Variants in UGGT2 observed in about 807,000 individuals in gnomAD.
UGGT2 encodes the protein UDP-glucose glycoprotein glucosyltransferase 2.
UGGT2 carries 180 observed loss-of-function variants against 192.1 expected under a neutral mutation model. That is an observed-to-expected ratio of 0.94 (90% confidence interval 0.83 to 1.06). The LOEUF (loss-of-function observed/expected upper bound fraction) is 1.06, where lower values mean the gene tolerates loss of function less well. Among genes scored for constraint, UGGT2 ranks in the 50% least tolerant of loss-of-function variants. UGGT2 has a pLI of 0.00. For missense variants in UGGT2, 1,849 were observed against 1,795.7 expected (o/e 1.03, Z -0.54); for synonymous variants, 580 against 591.0 (o/e 0.98, Z 0.27).
At chr13:95,907,202 G>A (rs1157272746) in intron 20 of UGGT2, among the ~76,000 whole-genome samples, 1 of 152,214 alleles carries the variant, frequency 6.6e-6, no homozygotes. Context: ...AGCCTGGCTG[G>A]GGGAGGGGCG....
intron 20 of UGGT2, among the ~76,000 whole-genome samples, chr13:95,914,237 AAAGTAT>A (rs1055323546): frequency 9.9e-5 from 15 of 151,610 alleles, no homozygotes; most frequent in African/African-American, 3.2e-4. Flanking sequence ...CCTAGAACTT[AAAGTAT>A]AATAAAAAAA....
chr13:95,877,411 C>G (rs986605397), intron 28 of UGGT2, 47 bp from the exon 29 acceptor site: 5 of 1,443,266 alleles, frequency 3.5e-6, no homozygotes, highest in Non-Finnish European at 4.8e-6. Flanking sequence ...TGACTAAAAA[C>G]CATCGAATTG....
intron 20 of UGGT2, among the ~76,000 whole-genome samples, chr13:95,907,315 C>T (rs1268322818): frequency 2.0e-5 from 3 of 152,240 alleles, no homozygotes; most frequent in East Asian, 3.9e-4. Flanking sequence ...CTAAACTCCA[C>T]CTGTGTGGGC....
chr13:95,898,048 T>G (rs967861055), intron 22 of UGGT2, among the ~76,000 whole-genome samples: 1 of 152,156 alleles, frequency 6.6e-6, no homozygotes, highest in Non-Finnish European at 1.5e-5. Context: ...CCAAAGTCCC[T>G]GGACAATTCC....
At chr13:95,847,835 T>C (rs1239876077) in intron 36 of UGGT2, among the ~76,000 whole-genome samples, 1 of 152,226 alleles carries the variant, frequency 6.6e-6, no homozygotes, top group Non-Finnish European at 1.5e-5. Flanking sequence ...TTACAATGGC[T>C]AAATTGTATG....
At chr13:96,016,632 G>A (rs191386121) in intron 4 of UGGT2, among the ~76,000 whole-genome samples, 165 of 152,322 alleles carry the variant, frequency 1.1e-3, no homozygotes, top group African/African-American at 3.9e-3. Flanking sequence ...GATTTCAGAG[G>A]ATGTATGGAA....
At chr13:95,931,024 CCTG>C (rs1296210683) in intron 17 of UGGT2, among the ~76,000 whole-genome samples, 2 of 152,156 alleles carry the variant, frequency 1.3e-5, no homozygotes, top group Non-Finnish European at 2.9e-5. Flanking sequence ...GCTTGGGCAG[CCTG>C]CTTTTATTCC....
chr13:95,928,526 C>T (rs895040877), intron 17 of UGGT2, among the ~76,000 whole-genome samples: 47 of 151,620 alleles, frequency 3.1e-4, no homozygotes, highest in Admixed American at 7.2e-4. Flanking sequence ...GGGGTGGTGG[C>T]GGGGCAGAGA....
intron 38 of UGGT2, among the ~76,000 whole-genome samples, chr13:95,818,056 C>T (rs1307819719): frequency 6.6e-6 from 1 of 152,112 alleles, no homozygotes. Flanking sequence ...CCTATTATCC[C>T]AACGTTTTGG....
chr13:95,899,063 A>C (rs1387665758), intron 22 of UGGT2, among the ~76,000 whole-genome samples: 5 of 152,118 alleles, frequency 3.3e-5, no homozygotes, highest in Non-Finnish European at 7.4e-5. Context: ...TGGAATTTGT[A>C]TCCTTATAAT....
chr13:96,009,584 C>T (rs551498577), intron 5 of UGGT2, among the ~76,000 whole-genome samples: 52 of 152,150 alleles, frequency 3.4e-4, no homozygotes, highest in Non-Finnish European at 6.5e-4. Context: ...CTGAGGCAGG[C>T]GGATCACGAG....
intron 12 of UGGT2, among the ~76,000 whole-genome samples, chr13:95,960,449 G>A (rs1311111589): frequency 6.6e-6 from 1 of 151,728 alleles, no homozygotes; most frequent in African/African-American, 2.4e-5. Context: ...ACTAAATCAA[G>A]TAGAATCAAG....
At chr13:95,996,906 C>A (rs1194265262) in intron 6 of UGGT2, among the ~76,000 whole-genome samples, 1 of 152,188 alleles carries the variant, frequency 6.6e-6, no homozygotes, top group Admixed American at 6.5e-5. Flanking sequence ...CATTTCCCTT[C>A]TCCCTTACAT....
At chr13:96,006,619 G>A in intron 5 of UGGT2, among the ~76,000 whole-genome samples, 1 of 91,762 alleles carries the variant, frequency 1.1e-5, no homozygotes, top group Non-Finnish European at 2.0e-5. Flanking sequence ...GCGAGATTCT[G>A]CCTCAAAAAA....
At chr13:95,838,214 G>T (rs191474703) in intron 36 of UGGT2, among the ~76,000 whole-genome samples, 1 of 152,014 alleles carries the variant, frequency 6.6e-6, no homozygotes, top group Non-Finnish European at 1.5e-5. Flanking sequence ...CATTAGCACC[G>T]AAAAAGAGAA....
chr13:95,933,801 C>A (rs1022605721), intron 17 of UGGT2, among the ~76,000 whole-genome samples: 4 of 152,146 alleles, frequency 2.6e-5, no homozygotes, highest in African/African-American at 7.2e-5. Context: ...CCTGCCTCAG[C>A]CCCCAGAGTA....
rs540271924 is a variant in UGGT2, at chr13:95,801,785, C to T, written c.*5G>A. The T allele has an allele frequency of 1.2e-5, 19 of 1,612,752 alleles. No individual in the cohort carries two copies. In the South Asian group the frequency reaches 1.8e-4, roughly 15 times the overall value. ...CTTTCGCCTTCCTTCTCATATACAC[C>T]AGTGCTAGAGTTCATCATGTGTCAA... On this transcript the variant is annotated 3_prime_UTR_variant, in exon 39 of 39. Transcript: ENST00000376747.
At chr13:95,848,910 A>G (rs1776490532) in intron 36 of UGGT2, among the ~76,000 whole-genome samples, 2 of 152,196 alleles carry the variant, frequency 1.3e-5, no homozygotes, top group South Asian at 4.1e-4. Context: ...CTATCCATAA[A>G]CAGGGAATAC....
intron 31 of UGGT2, chr13:95,863,304 G>T: frequency 4.9e-6 from 1 of 204,204 alleles, no homozygotes. Context: ...TCATGTAATT[G>T]CCTTCACTCA....
Sources: gnomAD v4.1 joint callset for allele counts (sites outside exome capture counted in the v4.1 genomes callset) on GRCh38, gnomAD v4.1.1 for gene constraint, MANE v1.5 for transcripts, NCBI Gene and HGNC (gene_info 2026-07-23, HGNC 2026-07-21) for gene names.